The following FGGY variants were observed in gnomAD, a reference collection of about 807,000 sequenced individuals.
FGGY encodes the protein FGGY carbohydrate kinase domain containing, also known as FGGY carbohydrate kinase domain-containing protein.
FGGY carries 72 observed loss-of-function variants against 71.3 expected under a neutral mutation model. The ratio of observed to expected loss-of-function variants is 1.01; its 90% CI spans 0.84 to 1.23. The LOEUF is 1.23. Ranked by LOEUF, FGGY falls within the 50% of genes most tolerant of loss-of-function variation. The pLI, the probability that FGGY is intolerant of heterozygous loss-of-function variation, is 0.00. For synonymous variants in FGGY, 251 were observed against 250.3 expected (o/e 1.00, Z -0.02); for missense variants, 668 against 682.3 (o/e 0.98, Z 0.23).
At chr1:59,301,091 A>G (rs1206671470) in intron 1 of FGGY, among the ~76,000 whole-genome samples, 1 of 152,124 alleles carries the variant, frequency 6.6e-6, no homozygotes, top group Non-Finnish European at 1.5e-5. Flanking sequence ...AAGTCTTCTG[A>G]CCCGTGGACA....
At chr1:59,521,070 C>T (rs1271227459) in intron 7 of FGGY, among the ~76,000 whole-genome samples, 3 of 151,974 alleles carry the variant, frequency 2.0e-5, no homozygotes, top group South Asian at 2.1e-4. Context: ...AAAGTCATGC[C>T]GTGGAATCTG....
At chr1:59,713,204 A>C (rs902359696) in intron 14 of FGGY, among the ~76,000 whole-genome samples, 13 of 152,240 alleles carry the variant, frequency 8.5e-5, no homozygotes, top group Admixed American at 8.5e-4. Context: ...GTCTGATACC[A>C]CCTCAGCCTA....
chr1:59,414,043 T>C (rs1164033676), intron 5 of FGGY, among the ~76,000 whole-genome samples: 1 of 152,210 alleles, frequency 6.6e-6, no homozygotes, highest in African/African-American at 2.4e-5. Context: ...AAGTAGGAAA[T>C]TATTAGAATA....
chr1:59,442,230 T>G (rs1444558820), intron 5 of FGGY, among the ~76,000 whole-genome samples: 1 of 152,172 alleles, frequency 6.6e-6, no homozygotes, highest in East Asian at 1.9e-4. Context: ...GTTAATCCCT[T>G]GAGGCCAGAT....
At chr1:59,679,584 G>C (rs963710251) in intron 14 of FGGY, among the ~76,000 whole-genome samples, 1 of 150,752 alleles carries the variant, frequency 6.6e-6, no homozygotes, top group South Asian at 2.1e-4. Context: ...TGAAAACATT[G>C]ATCTTGTTAT....
At chr1:59,497,852 C>A (rs909652272) in intron 6 of FGGY, among the ~76,000 whole-genome samples, 1 of 152,166 alleles carries the variant, frequency 6.6e-6, no homozygotes, top group East Asian at 1.9e-4. Context: ...TTTCTGTCTT[C>A]GCGTTGTTTC....
intron 7 of FGGY, among the ~76,000 whole-genome samples, chr1:59,534,500 G>A (rs1298681514): frequency 2.0e-5 from 3 of 151,800 alleles, no homozygotes; most frequent in Admixed American, 6.6e-5. Flanking sequence ...GATACTCCTC[G>A]AGAAGAGCAA....
Position 59,714,859 on chromosome 1 carries a change from T to C in FGGY, c.1512+40726T>C, listed in dbSNP as rs116047706. Among the ~76,000 whole-genome samples the C allele has an allele frequency of 3.3e-5, 5 of 152,214 alleles. 1 individual carries two copies. The highest frequency in any genetic ancestry group is 4.8e-5 in the African/African-American group (2 of 41,442). On this transcript the variant is annotated intron_variant, in intron 14 of 15. Coordinates refer to ENST00000303721, the MANE Select transcript of FGGY (RefSeq NM_018291.5). ...CTTTTTATTCCTTGTATTTGACATA[T>C]GAAAAGAAATCTTTGCTGATACTGG...
chr1:59,338,489 GT>G (rs2050033325), intron 2 of FGGY, among the ~76,000 whole-genome samples: 1 of 151,870 alleles, frequency 6.6e-6, no homozygotes, highest in African/African-American at 2.4e-5. Flanking sequence ...TTGTGGGAAT[GT>G]TTTAAGCACA....
At position 59,676,243 on chromosome 1, in the gene FGGY, T is replaced by C. The variant is rs556535864; in HGVS notation, c.1512+2110T>C. Among the ~76,000 whole-genome samples the C allele has an allele frequency of 2.0e-5, 3 of 152,230 alleles. No individual in the cohort carries two copies. The South Asian group carries it at 6.2e-4, about 32-fold the overall frequency. ...GATAGGAAGCCAAGCTTCAGAGATG[T>C]TTTAAGTAATTTGTCCAAGGCTACA... On this transcript the variant is annotated intron_variant, in intron 14 of 15. Coordinates refer to ENST00000303721, the MANE Select transcript of FGGY (RefSeq NM_018291.5).
chr1:59,352,345 CTG>C (rs2153224711), intron 4 of FGGY, among the ~76,000 whole-genome samples: 1 of 152,288 alleles, frequency 6.6e-6, no homozygotes, highest in African/African-American at 2.4e-5. Context: ...ATCTTCCAAG[CTG>C]TCTTTTAACT....
chr1:59,304,222 A>G (rs1381289362), intron 1 of FGGY, among the ~76,000 whole-genome samples: 1 of 152,100 alleles, frequency 6.6e-6, no homozygotes, highest in Non-Finnish European at 1.5e-5. Context: ...TCTTATGTTT[A>G]CAACTGTAAT....
intron 6 of FGGY, among the ~76,000 whole-genome samples, chr1:59,465,722 CAG>C (rs1308190097): frequency 1.3e-5 from 2 of 151,258 alleles, no homozygotes; most frequent in African/African-American, 2.4e-5. Flanking sequence ...AACAGACAGA[CAG>C]AGCCAAATCA....
intron 5 of FGGY, among the ~76,000 whole-genome samples, chr1:59,387,574 G>GTT: frequency 6.6e-6 from 1 of 151,886 alleles, no homozygotes; most frequent in Admixed American, 6.6e-5. Context: ...TTCAATTTTG[G>GTT]TGAGAATTTA....
chr1:59,505,128 C>T (rs967979041), intron 6 of FGGY, among the ~76,000 whole-genome samples: 15 of 152,084 alleles, frequency 9.9e-5, no homozygotes, highest in Admixed American at 6.6e-4. Flanking sequence ...GCCAGACTAT[C>T]GGGCCAGGGA....
rs1223158772 is a variant in FGGY, at chr1:59,583,677, C to A, written c.904-24126C>A. Among the ~76,000 whole-genome samples the A allele has an allele frequency of 1.4e-4, 20 of 142,454 alleles. 2 individuals are homozygous for A. Among genetic ancestry groups the A allele is most frequent in the Non-Finnish European group, 6.0e-5 (4 of 66,326 alleles). The allele number at this position is 142,454 out of a possible 152,430, so 93.5% of individuals were successfully genotyped here. ...CTTTGCCCTTCACAACATTCACACACCCCTCCTGGGTATTGGTGCCAGGCT... is the reference window on the plus strand; with the variant it reads ...CTTTGCCCTTCACAACATTCACACAACCCTCCTGGGTATTGGTGCCAGGCT... On this transcript the variant is annotated intron_variant, in intron 8 of 15. Transcript: ENST00000303721.
At chr1:59,598,415 T>G (rs1471075874) in intron 8 of FGGY, among the ~76,000 whole-genome samples, 2 of 152,230 alleles carry the variant, frequency 1.3e-5, no homozygotes, top group Admixed American at 6.5e-5. Flanking sequence ...CATATGAGTT[T>G]CAAGAATGAT....
At chr1:59,679,180 G>A (rs570149518) in intron 14 of FGGY, among the ~76,000 whole-genome samples, 1 of 152,224 alleles carries the variant, frequency 6.6e-6, no homozygotes, top group East Asian at 1.9e-4. Context: ...CTCTACTTCT[G>A]TTCTTTTTCA....
intron 4 of FGGY, among the ~76,000 whole-genome samples, chr1:59,372,895 T>C (rs1213797191): frequency 6.6e-6 from 1 of 152,110 alleles, no homozygotes; most frequent in African/African-American, 2.4e-5. Context: ...AATTAGGTAT[T>C]GATGGGACAT....
Sources: allele counts gnomAD v4.1 joint callset (sites outside exome capture counted in the v4.1 genomes callset), GRCh38; gene constraint gnomAD v4.1.1; transcripts MANE v1.5; gene names NCBI Gene and HGNC (gene_info 2026-07-23, HGNC 2026-07-21).